The following SEPTIN9 variants were observed in gnomAD, a reference collection of about 807,000 sequenced individuals.
SEPTIN9 encodes septin 9.
In SEPTIN9, 13 loss-of-function variants were observed where a neutral mutation model predicts 56.6. The observed-to-expected ratio is 0.23, with a 90% CI of 0.15 to 0.37. The LOEUF is 0.37. Ranked by LOEUF, SEPTIN9 falls within the 10% of genes least tolerant of loss-of-function variation. The pLI is 1.00. For missense variants in SEPTIN9, 650 were observed against 823.1 expected (o/e 0.79, Z 2.57); for synonymous variants, 332 against 334.1 (o/e 0.99, Z 0.07).
chr17:77,417,014 G>A (rs7222170), intron 3 of SEPTIN9, among the ~76,000 whole-genome samples: 56,958 of 152,068 alleles, frequency 0.37, 11,230 homozygotes, highest in African/African-American at 0.43. Context: ...GATGCCTTTC[G>A]TGTGAAAAAC....
intron 3 of SEPTIN9, among the ~76,000 whole-genome samples, chr17:77,464,797 G>T (rs1470906398): frequency 6.6e-6 from 1 of 151,690 alleles, no homozygotes; most frequent in Admixed American, 6.6e-5. Context: ...AGTAGAGATG[G>T]GGTTTCACCG....
At chr17:77,485,144 T>TG (rs1322366401) in intron 4 of SEPTIN9, among the ~76,000 whole-genome samples, 36 of 148,686 alleles carry the variant, frequency 2.4e-4, no homozygotes, top group East Asian at 1.7e-3. Flanking sequence ...GTGGTGGTGA[T>TG]TGTGATGGGG....
At chr17:77,355,427 C>T (rs912635999) in intron 2 of SEPTIN9, among the ~76,000 whole-genome samples, 5 of 152,250 alleles carry the variant, frequency 3.3e-5, no homozygotes, top group African/African-American at 1.2e-4. Context: ...CTCCCTGCTG[C>T]CAGCCCATGG....
chr17:77,481,165 C>A (rs2143200612), intron 3 of SEPTIN9, among the ~76,000 whole-genome samples: 1 of 152,346 alleles, frequency 6.6e-6, no homozygotes, highest in Non-Finnish European at 1.5e-5. Context: ...GGCGTCCGCC[C>A]CCAGCCCCAG....
chr17:77,443,851 T>G (rs935224638), intron 3 of SEPTIN9, among the ~76,000 whole-genome samples: 3 of 151,994 alleles, frequency 2.0e-5, no homozygotes, highest in African/African-American at 7.2e-5. Flanking sequence ...AGGTACCTGC[T>G]TGTGGAAAGT....
chr17:77,378,090 A>G (rs527894806), intron 2 of SEPTIN9, among the ~76,000 whole-genome samples: 1 of 152,312 alleles, frequency 6.6e-6, no homozygotes, highest in South Asian at 2.1e-4. Context: ...TCAGCCTTGC[A>G]GCGGGGCTGT....
chr17:77,282,026 A>G (rs979236342), intron 1 of SEPTIN9: 8 of 155,488 alleles, frequency 5.1e-5, no homozygotes, highest in African/African-American at 1.9e-4. Context: ...TCCAGATGGG[A>G]CCGTCCAGCA....
intron 1 of SEPTIN9, among the ~76,000 whole-genome samples, chr17:77,290,494 C>T (rs1182326669): frequency 6.6e-6 from 1 of 151,560 alleles, no homozygotes; most frequent in Non-Finnish European, 1.5e-5. Flanking sequence ...CTTCTGACCT[C>T]GTGATCCACT....
chr17:77,392,070 A>G (rs1206416855), intron 2 of SEPTIN9, among the ~76,000 whole-genome samples: 2 of 152,200 alleles, frequency 1.3e-5, no homozygotes, highest in Admixed American at 1.3e-4. Flanking sequence ...CTCTTCCTGT[A>G]GCGTGCAGAG....
intron 3 of SEPTIN9, among the ~76,000 whole-genome samples, chr17:77,404,023 A>G (rs2035985527): frequency 6.6e-6 from 1 of 152,142 alleles, no homozygotes; most frequent in Non-Finnish European, 1.5e-5. Flanking sequence ...GTGTGTGTGG[A>G]AAAATACAAT....
At chr17:77,347,209 C>T (rs1353134946) in intron 2 of SEPTIN9, among the ~76,000 whole-genome samples, 6 of 151,988 alleles carry the variant, frequency 3.9e-5, no homozygotes, top group Non-Finnish European at 8.8e-5. Flanking sequence ...GAAACCTTGT[C>T]TCTACTAAAA....
At position 77,498,667 on chromosome 17, in the gene SEPTIN9, C is replaced by G. The variant is rs370070590; in HGVS notation, c.*9C>G. On this transcript the variant is annotated 3_prime_UTR_variant, in exon 12 of 12. Transcript: ENST00000427177. The stretch of plus-strand genomic sequence containing the variant: ...AAGCCCCGGAGATGTAGACGCCACC[C>G]TGCCCACCCCCGGGATCCTGCCCCC... The G allele has an allele frequency of 6.3e-7, 1 of 1,586,502 alleles. No individual in the cohort carries two copies. The highest frequency in any genetic ancestry group is 8.6e-7 in the Non-Finnish European group (1 of 1,165,964).
In SEPTIN9 at chr17:77,451,379, C is replaced by G; in HGVS notation, c.722-30765C>G. The stretch of plus-strand genomic sequence containing the variant: ...CCTCCCTTCCCAGGCAGTCGAGGTC[C>G]CTCCCTACCTCTGCCCCGCGCTCTG... On this transcript the variant is annotated intron_variant, in intron 3 of 11. Transcript: ENST00000427177. This position sits in a 1 kb window ranked among gnomAD's most constrained non-coding sequence, Gnocchi z 4.2. The G allele has an allele frequency of 3.0e-6, 3 of 985,756 alleles. No individual in the cohort carries two copies. Among genetic ancestry groups the G allele is most frequent in the Non-Finnish European group, 2.4e-6 (2 of 830,106 alleles). The allele number at this position is 985,756 out of a possible 1,614,324, so 61.1% of individuals were successfully genotyped here. A position where few individuals can be genotyped will look rare whatever the true frequency, so the allele number is the denominator to read the frequency against.
In SEPTIN9 at chr17:77,498,503, C is replaced by A; in HGVS notation, c.1626-20C>A. 5 of 462,636 alleles carry A rather than the reference C, an allele frequency of 1.1e-5. No individual in the cohort carries two copies. The highest frequency in any genetic ancestry group is 2.1e-5 in the Non-Finnish European group (5 of 237,122). 28.7% of individuals were successfully genotyped at this position (462,636 alleles called of 1,614,324 possible). A position where few individuals can be genotyped will look rare whatever the true frequency, so the allele number is the denominator to read the frequency against. On this transcript the variant is annotated intron_variant, in intron 11 of 11. Transcript: ENST00000427177. ...CCGCTGCGCCCACCTCACTGACCCG[C>A]CCGCCCCCCACCCCCACAGGACGCA...
intron 2 of SEPTIN9, among the ~76,000 whole-genome samples, chr17:77,386,307 G>A (rs958424053): frequency 2.6e-5 from 4 of 152,178 alleles, no homozygotes; most frequent in Admixed American, 2.0e-4. Context: ...CAGTTTCTGG[G>A]CAGTGGAGGC....
intron 2 of SEPTIN9, among the ~76,000 whole-genome samples, chr17:77,352,665 C>T (rs1386115561): frequency 6.6e-6 from 1 of 151,992 alleles, no homozygotes; most frequent in Admixed American, 6.6e-5. Context: ...TCTCTGTTGT[C>T]TTTTTAATTT....
At chr17:77,397,304 G>A (rs544746645) in intron 2 of SEPTIN9, among the ~76,000 whole-genome samples, 1 of 152,218 alleles carries the variant, frequency 6.6e-6, no homozygotes, top group Admixed American at 6.5e-5. Context: ...TGCAGTCTCT[G>A]CTCTCATCAC....
chr17:77,382,169 A>G (rs1343645607), intron 2 of SEPTIN9, among the ~76,000 whole-genome samples: 2 of 152,092 alleles, frequency 1.3e-5, no homozygotes, highest in Non-Finnish European at 2.9e-5. Context: ...CTGAGACTCC[A>G]GGCACGCACC....
chr17:77,401,924 A>C lies in SEPTIN9; in HGVS notation c.77-135A>C, dbSNP rs370674420. On this transcript the variant is annotated intron_variant, in intron 2 of 11. Transcript: ENST00000427177. Reference sequence around the variant, plus strand: ...GGCTGTCCCTTCCGCTTGCTGAGACATGAAGGACGGGAAGAGACCCCCGGC... The same window carrying C: ...GGCTGTCCCTTCCGCTTGCTGAGACCTGAAGGACGGGAAGAGACCCCCGGC... 9.7e-6 allele frequency: 8 copies of C among 824,328 alleles called. 1 individual carries two copies. The highest frequency in any genetic ancestry group is 2.8e-5 in the Admixed American group (1 of 36,140). The allele number at this position is 824,328 out of a possible 1,614,324, so 51.1% of individuals were successfully genotyped here.
Sources: gnomAD v4.1 joint callset for allele counts (sites outside exome capture counted in the v4.1 genomes callset) on GRCh38, gnomAD v4.1.1 for gene constraint, Gnocchi (gnomAD v3.1) non-coding constraint, MANE v1.5 for transcripts, NCBI Gene and HGNC (gene_info 2026-07-23, HGNC 2026-07-21) for gene names.